The following ZFYVE26 variants were observed in gnomAD, a reference collection of about 807,000 sequenced individuals.
ZFYVE26 encodes zinc finger FYVE domain-containing protein 26.
A neutral mutation model predicts 276.5 loss-of-function variants in ZFYVE26; 181 were observed. The ratio of observed to expected loss-of-function variants is 0.65; its 90% CI spans 0.58 to 0.74. The LOEUF (loss-of-function observed/expected upper bound fraction) is 0.74, where lower values mean the gene tolerates loss of function less well. ZFYVE26 is among the 30% of genes least tolerant of loss of function. The probability of loss-of-function intolerance (pLI) is 0.00; values close to 1 mark genes in which losing one functional copy is unlikely to be tolerated. For missense variants in ZFYVE26, 2,821 were observed against 3,097.9 expected, an observed-to-expected ratio of 0.91 and a Z score of 2.12; for synonymous variants, 1,129 against 1,203.1, an observed-to-expected ratio of 0.94 and a Z score of 1.27.
chr14:67,736,974 GGA>G (rs2140167306), intron 13 of ZFYVE26, among the ~76,000 whole-genome samples: 1 of 152,290 alleles, frequency 6.6e-6, no homozygotes, highest in East Asian at 1.9e-4. Context: ...CAGCTTCCAG[GGA>G]GGGGGCATGA....
chr14:67,738,418 A>G (rs1255897916), intron 13 of ZFYVE26, among the ~76,000 whole-genome samples: 1 of 148,716 alleles, frequency 6.7e-6, no homozygotes, highest in African/African-American at 2.4e-5. Flanking sequence ...TTATATACTT[A>G]TAAATAATTA....
downstream of ZFYVE26, among the ~76,000 whole-genome samples, chr14:67,744,372 G>A (rs1402738488): frequency 6.6e-6 from 1 of 151,962 alleles, no homozygotes; most frequent in East Asian, 1.9e-4. Context: ...ACTGTTGTTT[G>A]TTTTTAGATC....
chr14:67,799,098 T>C, intron 10 of ZFYVE26: 2 of 1,259,636 alleles, frequency 1.6e-6, no homozygotes, highest in Non-Finnish European at 2.3e-6. Flanking sequence ...TCTCCAGTGC[T>C]CACCCAAGAC....
chr14:67,793,926 T>C (rs1286684482), intron 13 of ZFYVE26, among the ~76,000 whole-genome samples, 167 bp from the exon 14 acceptor site: 2 of 152,190 alleles, frequency 1.3e-5, no homozygotes, highest in Non-Finnish European at 2.9e-5. Flanking sequence ...TATGCTACCA[T>C]CTTTGAATAG....
chr14:67,751,701 A>G (rs1255004107), intron 40 of ZFYVE26, among the ~76,000 whole-genome samples: 1 of 152,072 alleles, frequency 6.6e-6, no homozygotes, highest in Non-Finnish European at 1.5e-5. Flanking sequence ...GTGAAACCCC[A>G]TCTCTACTAA....
At chr14:67,799,049 A>C in intron 10 of ZFYVE26, 3 of 1,184,220 alleles carry the variant, frequency 2.5e-6, no homozygotes, top group Non-Finnish European at 3.8e-6. Context: ...CAAAGAACAG[A>C]GAGCAGTGTA....
chr14:67,740,696 C>G (rs1373469950), intron 13 of ZFYVE26, among the ~76,000 whole-genome samples: 4 of 152,144 alleles, frequency 2.6e-5, no homozygotes, highest in Non-Finnish European at 5.9e-5. Context: ...ATCACGAGAT[C>G]AGGAGTTCGA....
chr14:67,814,081 G>T lies in ZFYVE26; in HGVS notation c.195-17C>A, dbSNP rs773504232. ...TGCCCACATCTGAAAAAGGTAAAAAGAAAGACTTGTAAAAAAGAGTTTCTA... is the reference window on the plus strand; with the variant it reads ...TGCCCACATCTGAAAAAGGTAAAAATAAAGACTTGTAAAAAAGAGTTTCTA... On this transcript the variant is annotated splice_polypyrimidine_tract_variant and intron_variant, in intron 2 of 41. Coordinates refer to ENST00000347230, the MANE Select transcript of ZFYVE26 (RefSeq NM_015346.4). 6.2e-7 allele frequency: 1 copy of T among 1,601,060 alleles called. No individual in the cohort carries two copies. The highest frequency in any genetic ancestry group is 1.7e-5 in the Admixed American group (1 of 59,794).
chr14:67,751,113 C>T lies in ZFYVE26; in HGVS notation c.7372-17G>A, dbSNP rs765372500. 4 of 1,614,186 alleles carry T rather than the reference C, an allele frequency of 2.5e-6. No homozygotes were observed. In the South Asian group the frequency reaches 3.3e-5, roughly 13 times the overall value. On this transcript the variant is annotated splice_polypyrimidine_tract_variant and intron_variant, in intron 40 of 41. Transcript: ENST00000347230. ...CTCCAGCTCCTGTGCAGAACAGAAACAGCACTGTGAGAGGGAGAAGAGTCC... is the reference window on the plus strand; with the variant it reads ...CTCCAGCTCCTGTGCAGAACAGAAATAGCACTGTGAGAGGGAGAAGAGTCC...
At position 67,784,401 on chromosome 14, in the gene ZFYVE26, G is replaced by T; in HGVS notation, c.3559C>A (p.Leu1187Met). The change falls in exon 20 of 42, where the codon CTG becomes ATG. Residue 1187 changes from leucine to methionine, a missense_variant. Physicochemically the swap from Leu to Met is conservative, Grantham distance 15 (BLOSUM62 2). Transcript: ENST00000347230. ...AGTTGGGAAGAGCTCTGTTGCAGCAGAACAAAGGGATTTCCTACCTTGACC... is the reference window on the plus strand; with the variant it reads ...AGTTGGGAAGAGCTCTGTTGCAGCATAACAAAGGGATTTCCTACCTTGACC... ...VEVKVGNPFV[L>M]LQQSSSQLVS... is the part of the protein sequence containing the mutation. 2 of 1,614,110 alleles carry T rather than the reference G, an allele frequency of 1.2e-6. No individual in the cohort carries two copies. The highest frequency in any genetic ancestry group is 1.7e-6 in the Non-Finnish European group (2 of 1,179,988).
In ZFYVE26 at chr14:67,786,262, C is replaced by CAAA. The variant is rs10525614; in HGVS notation, c.3020-32_3020-30dup. 535 of 1,286,816 alleles carry CAAA rather than the reference C, an allele frequency of 4.2e-4. 6 individuals are homozygous for CAAA. The highest frequency in any genetic ancestry group is 5.0e-4 in the Middle Eastern group (2 of 4,032). The allele number at this position is 1,286,816 out of a possible 1,614,324, so 79.7% of individuals were successfully genotyped here. A position where few individuals can be genotyped will look rare whatever the true frequency, so the allele number is the denominator to read the frequency against. ...GAAATAGATGAAGGAAGAGGGAATG[C>CAAA]AAAAAAAAAAAATTGAAGTGTTTTC... is the stretch of plus-strand genomic sequence containing the variant. On this transcript the variant is annotated intron_variant, in intron 16 of 41. Transcript: ENST00000347230.
At chr14:67,729,363 G>A in exon 14 of ZFYVE26, 4 of 1,597,814 alleles carry the variant, frequency 2.5e-6, no homozygotes, top group Non-Finnish European at 3.4e-6. Flanking sequence ...TGGAGCCCCT[G>A]AGTGGCAAGT....
intron 28 of ZFYVE26, chr14:67,770,570 C>G (rs1244327217): frequency 6.6e-6 from 1 of 151,934 alleles, no homozygotes; most frequent in Non-Finnish European, 1.5e-5. Flanking sequence ...TCTCATCAGT[C>G]TTCTCCAAAT....
chr14:67,786,473 T>C (rs2039662663), intron 16 of ZFYVE26, among the ~76,000 whole-genome samples: 1 of 152,218 alleles, frequency 6.6e-6, no homozygotes, highest in South Asian at 2.1e-4. Flanking sequence ...TCAGAATCTC[T>C]GGCACTCCTA....
intron 14 of ZFYVE26, among the ~76,000 whole-genome samples, chr14:67,791,315 A>G (rs935530035): frequency 1.3e-5 from 2 of 152,252 alleles, no homozygotes; most frequent in South Asian, 4.1e-4. Flanking sequence ...CAACTATTAC[A>G]AGGTTAAAAA....
In ZFYVE26 at chr14:67,815,752, G is replaced by A. The variant is rs777414198; in HGVS notation, c.194+18C>T. The A allele has an allele frequency of 1.9e-6, 3 of 1,612,232 alleles. No homozygotes were observed. The highest frequency in any genetic ancestry group is 1.7e-5 in the Admixed American group (1 of 60,016). On this transcript the variant is annotated intron_variant, in intron 2 of 41. Coordinates refer to ENST00000347230, the MANE Select transcript of ZFYVE26 (RefSeq NM_015346.4). ...TCTCTCACCCTGGGACCGTCTGGTA[G>A]GAAAAGAGATCCCTTACCTCAGCAG...
At position 67,754,067 on chromosome 14, in the gene ZFYVE26, G is replaced by A. The variant is rs374198908; in HGVS notation, c.7128+4C>T. The A allele has an allele frequency of 6.2e-5, 100 of 1,614,112 alleles. No homozygotes were observed. Among genetic ancestry groups the A allele is most frequent in the Non-Finnish European group, 7.8e-5 (92 of 1,180,044 alleles). ...CTGCCAGAGGTCTGAAACGCTGCAT[G>A]TACCTTGCAGGCAACATCCATTTTC... On this transcript the variant is annotated splice_donor_region_variant and intron_variant, in intron 38 of 41. Transcript: ENST00000347230.
At chr14:67,797,020 G>A (rs2039967444) in intron 12 of ZFYVE26, 1 of 152,668 alleles carries the variant, frequency 6.6e-6, no homozygotes, top group African/African-American at 2.4e-5. Context: ...AGTATTGTGA[G>A]GATTAAATAA....
intron 35 of ZFYVE26, among the ~76,000 whole-genome samples, chr14:67,758,928 C>A (rs961455532): frequency 4.6e-5 from 7 of 152,116 alleles, no homozygotes. Flanking sequence ...AGCCACTGCT[C>A]CCAACAAATA....
Sources: gnomAD v4.1 joint callset for allele counts (sites outside exome capture counted in the v4.1 genomes callset) on GRCh38, gnomAD v4.1.1 for gene constraint, MANE v1.5 for transcripts, NCBI Gene and HGNC (gene_info 2026-07-23, HGNC 2026-07-21) for gene names.